The following OR1L8 variants were observed in gnomAD, a reference collection of about 807,000 sequenced individuals.
OR1L8 encodes olfactory receptor family 1 subfamily L member 8, also known as olfactory receptor 1L8.
For synonymous variants in OR1L8, 148 were observed against 147.0 expected (o/e 1.01, Z -0.05); for missense variants, 330 against 377.4 (o/e 0.87, Z 1.04).
chr9:122,573,300 G>T (rs983755251), intron 3 of OR1L8, among the ~76,000 whole-genome samples: 1 of 152,224 alleles, frequency 6.6e-6, no homozygotes, highest in Non-Finnish European at 1.5e-5. Flanking sequence ...AGATGTTGGG[G>T]CTAAACTCAG....
chr9:122,575,749 T>C (rs7874877), intron 3 of OR1L8, among the ~76,000 whole-genome samples: 59,825 of 152,030 alleles, frequency 0.39, 12,292 homozygotes, highest in African/African-American at 0.43. Flanking sequence ...CAGTTACTTT[T>C]TTGTGATAAC....
intron 3 of OR1L8, among the ~76,000 whole-genome samples, chr9:122,573,587 G>T (rs566078988): frequency 1.3e-5 from 2 of 152,170 alleles, no homozygotes; most frequent in East Asian, 3.9e-4. Context: ...TTTTAATTGG[G>T]TTGTATATTT....
downstream of OR1L8, among the ~76,000 whole-genome samples, chr9:122,566,841 A>G (rs1829434541): frequency 1.3e-5 from 2 of 152,186 alleles, no homozygotes; most frequent in Non-Finnish European, 1.5e-5. Context: ...GGGAAGGTGA[A>G]CCAGAAGAAA....
intron 1 of OR1L8, among the ~76,000 whole-genome samples, chr9:122,582,896 C>T (rs991451142): frequency 8.6e-5 from 13 of 151,314 alleles, no homozygotes; most frequent in African/African-American, 3.2e-4. Context: ...AAAATGAAAA[C>T]TAAAAGCAGC....
At chr9:122,549,236 C>T in the OR1L8 span, among the ~76,000 whole-genome samples, 1 of 152,064 alleles carries the variant, frequency 6.6e-6, no homozygotes, top group Admixed American at 6.6e-5. Context: ...CATGGCATCC[C>T]TCTTGTTACC....
the OR1L8 span, among the ~76,000 whole-genome samples, chr9:122,546,300 C>T: frequency 1.3e-5 from 2 of 152,104 alleles, no homozygotes; most frequent in Non-Finnish European, 2.9e-5. Flanking sequence ...TTTTGCCACT[C>T]TTCCTATTGA....
downstream of OR1L8, among the ~76,000 whole-genome samples, chr9:122,564,604 G>T (rs561985436): frequency 1.6e-3 from 240 of 152,354 alleles, 1 homozygote; most frequent in African/African-American, 5.4e-3. Flanking sequence ...GCAGAAGATA[G>T]ATGGATCCTG....
chr9:122,556,501 C>A, the OR1L8 span, among the ~76,000 whole-genome samples: 1 of 151,884 alleles, frequency 6.6e-6, no homozygotes, highest in Non-Finnish European at 1.5e-5. Flanking sequence ...TAAGTAGTGT[C>A]CACCGGGGCC....
intron 1 of OR1L8, among the ~76,000 whole-genome samples, chr9:122,580,907 A>G (rs1387159529): frequency 1.3e-5 from 2 of 152,212 alleles, no homozygotes; most frequent in African/African-American, 2.4e-5. Flanking sequence ...TCTTTTAGTA[A>G]TAAGAACACA....
chr9:122,554,302 A>C, the OR1L8 span: 2 of 650,634 alleles, frequency 3.1e-6, no homozygotes, highest in Non-Finnish European at 5.2e-6. Flanking sequence ...AAAAAAAAAA[A>C]GAGTGTTTCA....
At chr9:122,569,539 A>AGTTTTTTTGCAATTAAAGTTTTTGAG (rs1829501532) in intron 4 of OR1L8, among the ~76,000 whole-genome samples, 1 of 152,224 alleles carries the variant, frequency 6.6e-6, no homozygotes, top group Admixed American at 6.5e-5. Context: ...TACCTTGTGA[A>AGTTTTTTTGCAATTAAAGTTTTTGAG]TAGGCATATT....
the OR1L8 span, among the ~76,000 whole-genome samples, chr9:122,549,702 T>C: frequency 6.6e-6 from 1 of 152,170 alleles, no homozygotes; most frequent in African/African-American, 2.4e-5. Flanking sequence ...AGGTTCTCTA[T>C]TCTTTCCATT....
intron 1 of OR1L8, among the ~76,000 whole-genome samples, chr9:122,582,720 A>C (rs1386339494): frequency 1.3e-5 from 2 of 152,172 alleles, no homozygotes; most frequent in Non-Finnish European, 2.9e-5. Context: ...TGTCTCTTAA[A>C]AAAAGTTATT....
At chr9:122,581,301 G>A (rs1024440315) in intron 1 of OR1L8, among the ~76,000 whole-genome samples, 4 of 152,106 alleles carry the variant, frequency 2.6e-5, no homozygotes, top group Non-Finnish European at 4.4e-5. Context: ...AGGAGGCGGC[G>A]GTTGTAGTGA....
chr9:122,567,996 G>T lies in OR1L8; in HGVS notation c.482C>A (p.Thr161Lys), dbSNP rs62621011. Reference sequence around the variant, plus strand: ...GAAGGTGAGACGATTCAGCAGAAGTGTGTGCAGGAGTGAGTGGAGGTGAGG... The same window carrying T: ...GAAGGTGAGACGATTCAGCAGAAGTTTGTGCAGGAGTGAGTGGAGGTGAGG... ...SFPHLHSLLH[T>K]LLLNRLTFCD... Residue 161 changes from threonine (T) to lysine (K), a missense_variant, in exon 5 of 5, where the codon ACA (threonine) becomes AAA (lysine). Thr to Lys is a moderately conservative substitution (Grantham distance 78, BLOSUM62 -1). Coordinates refer to ENST00000641027, the MANE Select transcript of OR1L8 (RefSeq NM_001004454.2). The T allele has an allele frequency of 3.2e-5, 52 of 1,614,024 alleles. No individual in the cohort carries two copies. In the African/African-American group the frequency reaches 5.6e-4, roughly 17 times the overall value.
At chr9:122,552,071 T>TCACA in the OR1L8 span, among the ~76,000 whole-genome samples, 2 of 116,976 alleles carry the variant, frequency 1.7e-5, no homozygotes, top group African/African-American at 3.0e-5. Flanking sequence ...TCTCTCTCTC[T>TCACA]CTCTCTCTCA....
At chr9:122,565,568 C>T (rs1426859210), downstream of OR1L8, among the ~76,000 whole-genome samples, 1 of 152,174 alleles carries the variant, frequency 6.6e-6, no homozygotes, top group African/African-American at 2.4e-5. Context: ...ACGCTGAGCC[C>T]CCCAATGGCA....
At chr9:122,565,972 C>T (rs4836896), downstream of OR1L8, among the ~76,000 whole-genome samples, 37,169 of 152,092 alleles carry the variant, frequency 0.24, 4,901 homozygotes, top group Middle Eastern at 0.35. Context: ...GCAGTGGCAG[C>T]ATAGCCATGT....
At chr9:122,577,411 G>A (rs930424411) in intron 2 of OR1L8, among the ~76,000 whole-genome samples, 5 of 152,080 alleles carry the variant, frequency 3.3e-5, no homozygotes, top group Non-Finnish European at 5.9e-5. Context: ...TACAAAAATC[G>A]TTGGGATAGT....
Sources: allele counts gnomAD v4.1 joint callset (sites outside exome capture counted in the v4.1 genomes callset), GRCh38; gene constraint gnomAD v4.1.1; transcripts MANE v1.5; gene names NCBI Gene and HGNC (gene_info 2026-07-23, HGNC 2026-07-21).